STON1: variants seen among roughly 807,000 people sequenced by gnomAD.
STON1 encodes stonin-1.
Under a neutral mutation model 60.9 loss-of-function variants are expected in STON1, and 79 were observed. The observed-to-expected ratio is 1.30, with a 90% CI of 1.08 to 1.56. STON1 has a LOEUF of 1.56. STON1 is among the 40% of genes most tolerant of loss of function. The pLI is 0.00. For missense variants in STON1, 1,166 were observed against 858.9 expected, an observed-to-expected ratio of 1.36 and a Z score of -4.47; for synonymous variants, 363 against 306.9, an observed-to-expected ratio of 1.18 and a Z score of -1.91.
rs537006882 is a variant in STON1 at position 48,547,662 on chromosome 2, T to C, written c.-48+17446T>C. On this transcript the variant is annotated intron_variant, in intron 1 of 3. Transcript: ENST00000404752. ...CTTCCAGAAATCTCTGTGAAAGCCATCAATGCCAGCTGTTTGTCTCAAGTT... is the reference window on the plus strand; with the variant it reads ...CTTCCAGAAATCTCTGTGAAAGCCACCAATGCCAGCTGTTTGTCTCAAGTT... Among the ~76,000 whole-genome samples, 8 of 152,326 alleles carry C rather than the reference T, an allele frequency of 5.3e-5. No homozygotes were observed. In the East Asian group the frequency reaches 1.5e-3, roughly 29 times the overall value.
rs1673930959 is a variant in STON1 at position 48,582,242 on chromosome 2, C to T, written c.1609C>T (p.Gln537Ter). The change falls in exon 2 of 4, where the codon CAG (glutamine) becomes TAG (stop). Residue 537 changes from glutamine (Q) to a stop codon, truncating the protein, a stop_gained. Transcript: ENST00000404752. LOFTEE classifies it high-confidence loss of function. ...TTCCTTGAAGTCTGTAGTGGTTGTC[C>T]AGGGAGCATACGTGGAACTTCAGGC... is the stretch of plus-strand genomic sequence containing the variant. The part of the protein sequence containing the change: ...PFSLKSVVVV[Q>*]GAYVELQAFV... 2.5e-6 allele frequency: 4 copies of T among 1,614,012 alleles called. No individual in the cohort carries two copies. The highest frequency in any genetic ancestry group is 1.1e-5 in the South Asian group (1 of 91,076).
chr2:48,587,034 A>G (rs1674248169), intron 2 of STON1, among the ~76,000 whole-genome samples: 1 of 152,202 alleles, frequency 6.6e-6, no homozygotes, highest in South Asian at 2.1e-4. Flanking sequence ...CTCATCACTC[A>G]TCCTTTTAAA....
intron 1 of STON1, among the ~76,000 whole-genome samples, chr2:48,538,933 T>C (rs1671544090): frequency 6.6e-6 from 1 of 152,070 alleles, no homozygotes. Flanking sequence ...ATTGATTTTT[T>C]AGAGATGGGA....
intron 1 of STON1, chr2:48,531,857 A>G (rs1487916091): frequency 2.0e-5 from 3 of 152,162 alleles, no homozygotes; most frequent in Non-Finnish European, 4.4e-5. Flanking sequence ...ATTCTGAACA[A>G]CCCCTTAAAA....
chr2:48,541,699 C>CAAAAAAAAAAAAAAA (rs71399061), intron 1 of STON1, among the ~76,000 whole-genome samples: 1 of 60,682 alleles, frequency 1.6e-5, no homozygotes, highest in African/African-American at 6.5e-5. Flanking sequence ...AACTTCGTCT[C>CAAAAAAAAAAAAAAA]AAAAAAAAAA....
chr2:48,597,160 C>G lies in STON1; in HGVS notation c.*1858C>G, dbSNP rs574894023. On this transcript the variant is annotated 3_prime_UTR_variant, in exon 4 of 4. Transcript: ENST00000404752. ...GAGCCACCATGCCCGGCCGCTATTGCTCTTTTTAACTTCATTTGATGCCTT... is the reference window on the plus strand; with the variant it reads ...GAGCCACCATGCCCGGCCGCTATTGGTCTTTTTAACTTCATTTGATGCCTT... The G allele has an allele frequency of 7.2e-5, 11 of 152,338 alleles. No homozygotes were observed. The East Asian group carries it at 9.6e-4, about 13-fold the overall frequency. The allele number at this position is 152,338 out of a possible 1,614,324, so 9.4% of individuals were successfully genotyped here. A position where few individuals can be genotyped will look rare whatever the true frequency, so the allele number is the denominator to read the frequency against.
intron 1 of STON1, among the ~76,000 whole-genome samples, chr2:48,567,474 C>T (rs868339810): frequency 6.6e-6 from 1 of 152,138 alleles, no homozygotes; most frequent in African/African-American, 2.4e-5. Flanking sequence ...TGCAATGGCG[C>T]GATCTTAGCT....
At chr2:48,535,197 C>T (rs1481928216) in intron 1 of STON1, among the ~76,000 whole-genome samples, 1 of 151,694 alleles carries the variant, frequency 6.6e-6, no homozygotes, top group African/African-American at 2.4e-5. Flanking sequence ...CATGGAATGC[C>T]AGGGGAAATA....
At position 48,582,082 on chromosome 2, in the gene STON1, T is replaced by C; in HGVS notation, c.1449T>C (p.Leu483=). Residue 483 remains leucine, a synonymous_variant, in exon 2 of 4, where the codon CTT becomes CTC. Transcript: ENST00000404752. ...CAGAAAAAAAGGGGATTGATATTCT[T>C]GACTACCATTTTCATAAGTGTGTGA... ...KDSEKKGIDI[L]DYHFHKCVNV... 1 of 1,614,208 alleles carries C rather than the reference T, an allele frequency of 6.2e-7. No homozygotes were observed.
chr2:48,579,907 T>G (rs754106802), intron 1 of STON1, among the ~76,000 whole-genome samples: 216 of 152,208 alleles, frequency 1.4e-3, no homozygotes, highest in Non-Finnish European at 2.2e-3. Flanking sequence ...GTTGGATATA[T>G]AAATATATAT....
chr2:48,555,408 G>A lies in STON1; in HGVS notation c.-47-25179G>A, dbSNP rs1218595102. Among the ~76,000 whole-genome samples the A allele has an allele frequency of 6.2e-5, 4 of 64,940 alleles. 1 individual carries two copies. Among genetic ancestry groups the A allele is most frequent in the African/African-American group, 2.3e-4 (4 of 17,424 alleles). The allele number at this position is 64,940 out of a possible 152,430, so 42.6% of individuals were successfully genotyped here. A position where few individuals can be genotyped will look rare whatever the true frequency, so the allele number is the denominator to read the frequency against. The stretch of plus-strand genomic sequence containing the variant: ...CCAGTAGGGGCGGCCGGGCAGAGGC[G>A]CCCCTCACCTACCGGACGGGGCCAC... On this transcript the variant is annotated intron_variant, in intron 1 of 3. Coordinates refer to ENST00000404752, the MANE Select transcript of STON1 (RefSeq NM_006873.4).
intron 1 of STON1, among the ~76,000 whole-genome samples, chr2:48,534,831 C>T (rs956818813): frequency 2.6e-5 from 4 of 152,114 alleles, no homozygotes; most frequent in East Asian, 1.9e-4. Context: ...CACACTGATA[C>T]GTAAAATGGA....
intron 2 of STON1, among the ~76,000 whole-genome samples, chr2:48,586,648 C>A (rs989579402): frequency 6.6e-6 from 1 of 152,030 alleles, no homozygotes; most frequent in Non-Finnish European, 1.5e-5. Context: ...GGGGAAGAGA[C>A]CAGTGTATTA....
At chr2:48,595,175 G>T in intron 3 of STON1, 53 bp from the exon 4 acceptor site, 1 of 1,371,434 alleles carries the variant, frequency 7.3e-7, no homozygotes, top group Non-Finnish European at 1.0e-6. Context: ...GAAGAGGTGT[G>T]AGTGCTGTGT....
intron 1 of STON1, among the ~76,000 whole-genome samples, chr2:48,557,900 C>A (rs977504827): frequency 2.6e-5 from 4 of 152,160 alleles, no homozygotes; most frequent in African/African-American, 9.7e-5. Context: ...TCTTTTATAA[C>A]TGCTTTGTAT....
At chr2:48,572,277 C>G (rs1381608777) in intron 1 of STON1, among the ~76,000 whole-genome samples, 1 of 152,184 alleles carries the variant, frequency 6.6e-6, no homozygotes, top group East Asian at 1.9e-4. Flanking sequence ...GAGCTGCTGA[C>G]TCCAGAACAG....
chr2:48,548,731 C>T (rs1001399460), intron 1 of STON1, among the ~76,000 whole-genome samples: 1 of 152,046 alleles, frequency 6.6e-6, no homozygotes, highest in Non-Finnish European at 1.5e-5. Flanking sequence ...AACTACTGAC[C>T]TCAGGTGATC....
chr2:48,560,851 C>T (rs190030873), intron 1 of STON1, among the ~76,000 whole-genome samples: 16 of 152,308 alleles, frequency 1.1e-4, no homozygotes, highest in Non-Finnish European at 2.1e-4. Context: ...GCAGCCTAGC[C>T]TCCTTGAAAT....
chr2:48,582,019 G>C lies in STON1; in HGVS notation c.1386G>C (p.Glu462Asp), dbSNP rs138179455. 1 of 1,614,168 alleles carries C rather than the reference G, an allele frequency of 6.2e-7. No individual in the cohort carries two copies. Among genetic ancestry groups the C allele is most frequent in the Admixed American group, 1.7e-5 (1 of 60,026 alleles). ...LECFLTLNDLELPKRDESYYE... is the reference protein window; with the variant it reads ...LECFLTLNDLDLPKRDESYYE... The stretch of plus-strand genomic sequence containing the variant: ...GCTTTTTAACCTTGAATGACCTTGA[G>C]TTGCCGAAGCGAGATGAATCCTATT... Residue 462 changes from glutamate (E) to aspartate (D), a missense_variant, in exon 2 of 4, where the codon GAG becomes GAC. Physicochemically the swap from Glu to Asp is conservative, Grantham distance 45. Coordinates refer to ENST00000404752, the MANE Select transcript of STON1 (RefSeq NM_006873.4).
Sources: allele counts gnomAD v4.1 joint callset (sites outside exome capture counted in the v4.1 genomes callset), GRCh38; gene constraint gnomAD v4.1.1; transcripts MANE v1.5; gene names NCBI Gene and HGNC (gene_info 2026-07-23, HGNC 2026-07-21).